MAPK3: variants seen among roughly 807,000 people sequenced by gnomAD.
MAPK3 encodes MAPK 1.
Under a neutral mutation model 41.8 loss-of-function variants are expected in MAPK3, and 30 were observed. The observed-to-expected ratio is 0.72, with a 90% confidence interval of 0.54 to 0.97. MAPK3 has a LOEUF of 0.97. MAPK3 is among the 50% of genes least tolerant of loss of function. MAPK3 has a pLI of 0.00. For missense variants in MAPK3, 413 were observed against 509.9 expected (o/e 0.81, Z 1.83); for synonymous variants, 222 against 213.4 (o/e 1.04, Z -0.35).
intron 2 of MAPK3, 119 bp from the exon 3 acceptor site, chr16:30,118,657 TAG>T: frequency 2.7e-6 from 2 of 735,622 alleles, no homozygotes; most frequent in Non-Finnish European, 4.3e-6. Context: ...TGGGACTCAA[TAG>T]ATCTGCCAAC....
At chr16:30,117,836 T>G in intron 4 of MAPK3, 52 bp from the exon 5 acceptor site, 1 of 1,434,402 alleles carries the variant, frequency 7.0e-7, no homozygotes, top group Non-Finnish European at 9.8e-7. Flanking sequence ...AACAGGGTCC[T>G]GTTGTCTGCG....
intron 3 of MAPK3, 75 bp from the exon 4 acceptor site, chr16:30,118,238 G>T: frequency 6.4e-7 from 1 of 1,566,642 alleles, no homozygotes; most frequent in Non-Finnish European, 8.8e-7. Context: ...CCTTGTCTTT[G>T]CCTCCACTGT....
At chr16:30,115,586 G>C (rs1467813936) in intron 8 of MAPK3, 3 of 152,290 alleles carry the variant, frequency 2.0e-5, no homozygotes, top group Non-Finnish European at 4.4e-5. Context: ...GCTTGGCTCA[G>C]GTCCTCACCT....
At position 30,117,258 on chromosome 16, in the gene MAPK3, T is replaced by G; in HGVS notation, c.803A>C (p.Asp268Ala). The change falls in exon 6 of 9, where the codon GAC (aspartate) becomes GCC (alanine). Residue 268 changes from aspartate to alanine, a missense_variant. Transcript: ENST00000263025. The stretch of plus-strand genomic sequence containing the variant: ...CTTCATGTTGATGATACAATTCAGG[T>G]CCTCCTGGGATGGGGAGCCCAGGAT... ...LGILGSPSQEDLNCIINMKAR... is the reference protein window; with the variant it reads ...LGILGSPSQEALNCIINMKAR... The G allele has an allele frequency of 6.2e-7, 1 of 1,613,950 alleles. No homozygotes were observed. Among genetic ancestry groups the G allele is most frequent in the Non-Finnish European group, 8.5e-7 (1 of 1,179,970 alleles).
At chr16:30,122,052 G>T (rs978984126) in intron 1 of MAPK3, 46 bp from the exon 2 acceptor site, 19 of 1,604,176 alleles carry the variant, frequency 1.2e-5, no homozygotes, top group East Asian at 6.7e-5. Flanking sequence ...TACAAAGGGG[G>T]AGTCCGGGCC....
At chr16:30,118,291 T>C (rs531889034) in intron 3 of MAPK3, 58 bp downstream of exon 3, 2 of 1,582,264 alleles carry the variant, frequency 1.3e-6, no homozygotes, top group East Asian at 2.2e-5. Context: ...CTTCTTCTAC[T>C]GGTCACTGGA....
chr16:30,116,525 G>A, intron 8 of MAPK3, 111 bp downstream of exon 8: 1 of 1,208,322 alleles, frequency 8.3e-7, no homozygotes, highest in Admixed American at 2.1e-5. Context: ...CCATGGGTGT[G>A]GGGTAAGCTT....
intron 2 of MAPK3, among the ~76,000 whole-genome samples, chr16:30,119,154 A>G (rs2072990780): frequency 8.2e-6 from 1 of 121,976 alleles, no homozygotes; most frequent in African/African-American, 2.8e-5. Context: ...AAATAAATAA[A>G]TTAAAAAAAA....
intron 1 of MAPK3, 53 bp from the exon 2 acceptor site, chr16:30,122,059 G>A (rs774055093): frequency 1.6e-5 from 25 of 1,587,182 alleles, no homozygotes; most frequent in Non-Finnish European, 2.1e-5. Context: ...GGGGAGTCCG[G>A]GCCTGGTGGC....
chr16:30,122,669 C>T (rs1407277027), intron 1 of MAPK3: 1 of 189,588 alleles, frequency 5.3e-6, no homozygotes, highest in Non-Finnish European at 1.1e-5. Context: ...GACACCCTTT[C>T]CCCCAAAACG....
intron 2 of MAPK3, among the ~76,000 whole-genome samples, chr16:30,120,082 T>A (rs1265019513): frequency 6.6e-6 from 1 of 152,142 alleles, no homozygotes; most frequent in Non-Finnish European, 1.5e-5. Context: ...GGCAGGAGAA[T>A]AGCTTGAACC....
At chr16:30,118,278 A>G in intron 3 of MAPK3, 71 bp downstream of exon 3, 2 of 1,574,300 alleles carry the variant, frequency 1.3e-6, no homozygotes, top group Admixed American at 1.7e-5. Context: ...CTCCTGCCCA[A>G]GGCTTCTTCT....
chr16:30,116,816 C>T, intron 7 of MAPK3, 26 bp from the exon 8 acceptor site: 1 of 1,613,650 alleles, frequency 6.2e-7, no homozygotes. Flanking sequence ...CAGCAAGGCT[C>T]AGGCCTGGCA....
rs1439210764 is a variant in MAPK3 at position 30,122,000 on chromosome 16, G to C, written c.177C>G (p.Ala59=). The stretch of plus-strand genomic sequence containing the variant: ...CGCGAGTCTTGCGCACGTGGTCATA[G>C]GCCGAGCTGAGGGGACCGGAGAGAG... ...GEGAYGMVSS[A]YDHVRKTRVA... is the part of the protein sequence containing the mutation. Residue 59 remains alanine, a synonymous_variant, in exon 2 of 9, where the codon GCC becomes GCG. Coordinates refer to ENST00000263025, the MANE Select transcript of MAPK3 (RefSeq NM_002746.3). 1 of 1,614,032 alleles carries C rather than the reference G, an allele frequency of 6.2e-7. No individual in the cohort carries two copies. Among genetic ancestry groups the C allele is most frequent in the Non-Finnish European group, 8.5e-7 (1 of 1,180,042 alleles).
Position 30,117,281 on chromosome 16 carries a change from G to T in MAPK3, c.780C>A (p.Ile260=). ...GGTCCTCCTGGGATGGGGAGCCCAG[G>T]ATGCCTGTGGATAAGGAGGTGACTT... The part of the protein sequence containing the change: ...YLDQLNHILG[I]LGSPSQEDLN... Residue 260 remains isoleucine (I), a synonymous_variant, in exon 6 of 9, where the codon ATC becomes ATA. Coordinates refer to ENST00000263025, the MANE Select transcript of MAPK3 (RefSeq NM_002746.3). 1 of 1,613,908 alleles carries T rather than the reference G, an allele frequency of 6.2e-7. No homozygotes were observed.
At position 30,117,652 on chromosome 16, in the gene MAPK3, C is replaced by T. The variant is rs1180887792; in HGVS notation, c.775+18G>A. On this transcript the variant is annotated intron_variant, in intron 5 of 8. Transcript: ENST00000263025. ...AAAAGCTAATCATCCCCAACTCAGCCAGCCGGGCCTCCCTCACCCAGAATG... is the reference window on the plus strand; with the variant it reads ...AAAAGCTAATCATCCCCAACTCAGCTAGCCGGGCCTCCCTCACCCAGAATG... The T allele has an allele frequency of 1.3e-5, 21 of 1,600,906 alleles. No homozygotes were observed. The highest frequency in any genetic ancestry group is 1.8e-5 in the Non-Finnish European group (21 of 1,168,080).
chr16:30,117,916 G>T (rs970513024), intron 4 of MAPK3, 131 bp downstream of exon 4: 1 of 1,098,294 alleles, frequency 9.1e-7, no homozygotes, highest in Non-Finnish European at 1.4e-6. Flanking sequence ...TCAATGCTCA[G>T]CTTCCTTGCA....
chr16:30,122,356 C>G, intron 1 of MAPK3: 1 of 369,284 alleles, frequency 2.7e-6, no homozygotes, highest in Non-Finnish European at 5.1e-6. Flanking sequence ...ATGCTGGGGA[C>G]ACACCATGGG....
Position 30,123,102 on chromosome 16 carries a change from G to T in MAPK3, c.108C>A (p.Phe36Leu). 6 of 1,572,486 alleles carry T rather than the reference G, an allele frequency of 3.8e-6. No individual in the cohort carries two copies. The highest frequency in any genetic ancestry group is 4.3e-6 in the Non-Finnish European group (5 of 1,160,970). The change falls in exon 1 of 9, where the codon TTC (phenylalanine) becomes TTA (leucine). Residue 36 changes from phenylalanine to leucine, a missense_variant. Physicochemically the swap from Phe to Leu is conservative, Grantham distance 22 (BLOSUM62 0). Around this residue, in one of 4 missense-constraint regions of MAPK3, gnomAD observed 145 missense variants for 133.0 expected, o/e 1.09. Transcript: ENST00000263025. ...GEVEMVKGQP[F>L]DVGPRYTQLQ... ...ACTGCGTGTAGCGCGGGCCCACGTC[G>T]AACGGCTGCCCCTTCACCATCTCCA...
Sources: gnomAD v4.1 joint callset for allele counts (sites outside exome capture counted in the v4.1 genomes callset) on GRCh38, gnomAD v4.1.1 for gene constraint, gnomAD v4.1.1 regional missense constraint, MANE v1.5 for transcripts, NCBI Gene and HGNC (gene_info 2026-07-23, HGNC 2026-07-21) for gene names.